Variants in SNTG1 observed in about 807,000 individuals in gnomAD.
The protein encoded by SNTG1 is gamma-1-syntrophin.
Under a neutral mutation model 74.7 loss-of-function variants are expected in SNTG1, and 39 were observed. The observed-to-expected ratio is 0.52, with a 90% CI of 0.40 to 0.68. SNTG1 has a LOEUF of 0.68. Among genes scored for constraint, SNTG1 ranks in the 30% least tolerant of loss-of-function variants. The pLI is 0.00. For missense variants in SNTG1, 685 were observed against 609.5 expected (o/e 1.12, Z -1.30); for synonymous variants, 254 against 217.1 (o/e 1.17, Z -1.49).
chr8:50,590,980 A>G, intron 13 of SNTG1, 63 bp downstream of exon 13: 1 of 1,159,320 alleles, frequency 8.6e-7, no homozygotes, highest in Non-Finnish European at 1.2e-6. Flanking sequence ...TGATTATAGA[A>G]GATAACGTTA....
At chr8:50,355,953 T>G (rs1587287514) in intron 2 of SNTG1, among the ~76,000 whole-genome samples, 1 of 152,046 alleles carries the variant, frequency 6.6e-6, no homozygotes, top group African/African-American at 2.4e-5. Context: ...TGGCAGGGAG[T>G]TCGTTCACAA....
At chr8:50,284,009 C>A (rs557023238) in intron 2 of SNTG1, among the ~76,000 whole-genome samples, 1 of 152,102 alleles carries the variant, frequency 6.6e-6, no homozygotes, top group African/African-American at 2.4e-5. Flanking sequence ...ATTCAGATTT[C>A]AGATTTTAAC....
intron 11 of SNTG1, 24 bp downstream of exon 11, chr8:50,536,832 G>A (rs1490352608): frequency 4.2e-5 from 67 of 1,611,038 alleles, no homozygotes; most frequent in Non-Finnish European, 5.5e-5. Context: ...TAGGAGTTAT[G>A]ACTGTTTTGT....
At chr8:50,622,818 G>A (rs114710488) in intron 13 of SNTG1, among the ~76,000 whole-genome samples, 6,550 of 151,530 alleles carry the variant, frequency 0.043, 247 homozygotes, top group African/African-American at 0.095. Context: ...TAATAAAATA[G>A]AAATCTTTAA....
chr8:50,102,841 G>A (rs13249994), intron 1 of SNTG1, among the ~76,000 whole-genome samples: 1 of 147,368 alleles, frequency 6.8e-6, no homozygotes, highest in African/African-American at 2.5e-5. Context: ...GCTTGTTTTT[G>A]TCAGGTTTGT....
At chr8:50,603,278 G>A (rs2094788518) in intron 13 of SNTG1, among the ~76,000 whole-genome samples, 1 of 152,096 alleles carries the variant, frequency 6.6e-6, no homozygotes, top group South Asian at 2.1e-4. Flanking sequence ...CTGCTCCACA[G>A]TTCTGCTATT....
chr8:50,193,476 G>A (rs892678486), intron 2 of SNTG1, among the ~76,000 whole-genome samples: 16 of 152,070 alleles, frequency 1.1e-4, no homozygotes, highest in African/African-American at 2.2e-4. Context: ...CCACTTGGTC[G>A]CTGTTGGTAT....
intron 16 of SNTG1, among the ~76,000 whole-genome samples, chr8:50,707,229 T>C (rs2095446326): frequency 6.6e-6 from 1 of 152,110 alleles, no homozygotes; most frequent in African/African-American, 2.4e-5. Context: ...GCACCGAATT[T>C]ATTTTCACCT....
chr8:50,547,099 T>C (rs1585642968), intron 11 of SNTG1, among the ~76,000 whole-genome samples: 1 of 152,200 alleles, frequency 6.6e-6, no homozygotes, highest in East Asian at 1.9e-4. Flanking sequence ...GAAGACTCAA[T>C]GGCAAAAGTG....
intron 4 of SNTG1, among the ~76,000 whole-genome samples, chr8:50,429,927 G>A (rs1174991250): frequency 6.6e-6 from 1 of 152,088 alleles, no homozygotes; most frequent in Non-Finnish European, 1.5e-5. Flanking sequence ...ATATCAATTA[G>A]GGTGGCTATA....
At chr8:49,985,811 T>C (rs1813101836) in intron 1 of SNTG1, among the ~76,000 whole-genome samples, 1 of 152,186 alleles carries the variant, frequency 6.6e-6, no homozygotes, top group Admixed American at 6.5e-5. Flanking sequence ...ATTATATTTA[T>C]AGACACCTGT....
intron 18 of SNTG1, among the ~76,000 whole-genome samples, chr8:50,785,812 C>T (rs987858190): frequency 2.0e-5 from 3 of 151,942 alleles, no homozygotes; most frequent in Non-Finnish European, 4.4e-5. Context: ...AATTGTTATA[C>T]ACCATTATCA....
At chr8:50,777,752 G>A (rs2131814014) in intron 18 of SNTG1, among the ~76,000 whole-genome samples, 1 of 151,422 alleles carries the variant, frequency 6.6e-6, no homozygotes, top group South Asian at 2.1e-4. Flanking sequence ...TGCACAATGT[G>A]CAGGTTAGTT....
intron 13 of SNTG1, among the ~76,000 whole-genome samples, chr8:50,640,577 A>T (rs899017780): frequency 2.6e-5 from 4 of 152,094 alleles, no homozygotes; most frequent in African/African-American, 7.2e-5. Context: ...ACCATCCACG[A>T]TCTCAGACAT....
intron 13 of SNTG1, among the ~76,000 whole-genome samples, chr8:50,602,179 G>A (rs1563634150): frequency 6.6e-6 from 1 of 151,540 alleles, no homozygotes; most frequent in Non-Finnish European, 1.5e-5. Context: ...GTTGTTTTGT[G>A]GTCTTCTCAT....
At chr8:50,439,701 T>TA (rs1206995847) in intron 5 of SNTG1, among the ~76,000 whole-genome samples, 2 of 126,852 alleles carry the variant, frequency 1.6e-5, no homozygotes, top group African/African-American at 9.9e-5. Context: ...ATAAATGAGA[T>TA]TTTTTTTTGT....
intron 15 of SNTG1, among the ~76,000 whole-genome samples, chr8:50,683,485 C>A (rs1366576265): frequency 6.6e-6 from 1 of 152,068 alleles, no homozygotes; most frequent in African/African-American, 2.4e-5. Context: ...CCAAAAACTT[C>A]CCCTTTATCT....
intron 17 of SNTG1, among the ~76,000 whole-genome samples, chr8:50,750,912 C>A (rs117703089): frequency 2.6e-5 from 4 of 151,820 alleles, no homozygotes; most frequent in Non-Finnish European, 5.9e-5. Flanking sequence ...GTATATACCC[C>A]GAGGTATGCC....
intron 1 of SNTG1, among the ~76,000 whole-genome samples, chr8:50,129,808 T>TTTG (rs201877806): frequency 1.3e-5 from 2 of 152,072 alleles, no homozygotes; most frequent in African/African-American, 2.4e-5. Context: ...ATTTTATTAT[T>TTTG]TTGTTGTTGT....
Sources: gnomAD v4.1 joint callset for allele counts (sites outside exome capture counted in the v4.1 genomes callset) on GRCh38, gnomAD v4.1.1 for gene constraint, MANE v1.5 for transcripts, NCBI Gene and HGNC (gene_info 2026-07-23, HGNC 2026-07-21) for gene names.